INTS2: variants seen among roughly 807,000 people sequenced by gnomAD.
INTS2 encodes integrator complex subunit 2.
Under a neutral mutation model 139.6 loss-of-function variants are expected in INTS2, and 57 were observed. That is an observed-to-expected ratio of 0.41 (90% confidence interval 0.33 to 0.51). INTS2 has a LOEUF of 0.51. INTS2 is among the 20% of genes least tolerant of loss of function. INTS2 has a pLI of 0.28. For synonymous variants in INTS2, 473 were observed against 493.4 expected (o/e 0.96, Z 0.55); for missense variants, 1,196 against 1,436.7 (o/e 0.83, Z 2.71).
chr17:61,915,168 C>A (rs1211286900), intron 5 of INTS2, among the ~76,000 whole-genome samples: 1 of 151,608 alleles, frequency 6.6e-6, no homozygotes, highest in Non-Finnish European at 1.5e-5. Flanking sequence ...GAAACCCCGT[C>A]TCTACTAAAA....
chr17:61,887,684 G>T (rs181409367), intron 15 of INTS2, among the ~76,000 whole-genome samples: 236 of 152,202 alleles, frequency 1.6e-3, no homozygotes, highest in African/African-American at 5.5e-3. Flanking sequence ...TCATGGAAAA[G>T]ATTAAATATG....
rs941979802 is a variant in INTS2 at position 61,868,972 on chromosome 17, A to T, written c.3244+62T>A. 1 of 984,744 alleles carries T rather than the reference A, an allele frequency of 1.0e-6. No individual in the cohort carries two copies. The highest frequency in any genetic ancestry group is 1.6e-5 in the African/African-American group (1 of 61,734). The allele number at this position is 984,744 out of a possible 1,614,324, so 61.0% of individuals were successfully genotyped here. A position where few individuals can be genotyped will look rare whatever the true frequency, so the allele number is the denominator to read the frequency against. ...AAAAACATATTGCATCACTAAATGC[A>T]GAAAATATAGGAACTATAATAATTT... On this transcript the variant is annotated intron_variant, in intron 23 of 24. Coordinates refer to ENST00000251334, the MANE Select transcript of INTS2 (RefSeq NM_001351695.2). This position sits in a 1 kb window ranked among gnomAD's most constrained non-coding sequence, Gnocchi z 4.7.
In INTS2 at chr17:61,893,241, G is replaced by C. The variant is rs774536915; in HGVS notation, c.1698+524C>G. On this transcript the variant is annotated intron_variant, in intron 13 of 24. Transcript: ENST00000251334. The surrounding 1 kb of genome is among the most constrained non-coding windows in gnomAD (Gnocchi z 5.4). The stretch of plus-strand genomic sequence containing the variant: ...ATTGTTTTAAAAATCTGAAATTACT[G>C]TATAATTATATAATTATAATTACTA... Among the ~76,000 whole-genome samples, 4 of 151,978 alleles carry C rather than the reference G, an allele frequency of 2.6e-5. No individual in the cohort carries two copies. The highest frequency in any genetic ancestry group is 4.4e-5 in the Non-Finnish European group (3 of 68,006).
chr17:61,901,363 G>T (rs73332598), intron 9 of INTS2, among the ~76,000 whole-genome samples: 24,931 of 150,834 alleles, frequency 0.17, 2,480 homozygotes, highest in East Asian at 0.53. Context: ...AAAAAAGGCA[G>T]GGAAAAAAAG....
At chr17:61,919,896 A>T (rs2079621404) in intron 4 of INTS2, among the ~76,000 whole-genome samples, 1 of 152,076 alleles carries the variant, frequency 6.6e-6, no homozygotes, top group Admixed American at 6.5e-5. Flanking sequence ...GCCCAACCAA[A>T]AATGACATTT....
At chr17:61,890,990 A>AC (rs2079286610) in intron 14 of INTS2, among the ~76,000 whole-genome samples, 1 of 137,858 alleles carries the variant, frequency 7.3e-6, no homozygotes, top group Admixed American at 7.3e-5. Flanking sequence ...TCTCAAAAAA[A>AC]AAAAAAAAAA....
At chr17:61,890,680 T>C (rs1323791234) in intron 14 of INTS2, among the ~76,000 whole-genome samples, 1 of 149,966 alleles carries the variant, frequency 6.7e-6, no homozygotes, top group Non-Finnish European at 1.5e-5. Flanking sequence ...TAAACAAACC[T>C]ATGCTGAATA....
In INTS2 at chr17:61,866,803, G is replaced by A. The variant is rs2079049805; in HGVS notation, c.*754C>T. ...CATAAAACTAAATGAGATCTCTCAG[G>A]TTCTTCTTTGAACAAAGATGTTTCT... On this transcript the variant is annotated 3_prime_UTR_variant, in exon 25 of 25. Transcript: ENST00000251334. 6.6e-6 allele frequency: 1 copy of A among 152,092 alleles called. No homozygotes were observed. The highest frequency in any genetic ancestry group is 2.4e-5 in the African/African-American group (1 of 41,412). The allele number at this position is 152,092 out of a possible 1,614,324, so 9.4% of individuals were successfully genotyped here.
chr17:61,918,239 A>G (rs1361000980), intron 5 of INTS2, among the ~76,000 whole-genome samples: 1 of 152,118 alleles, frequency 6.6e-6, no homozygotes, highest in East Asian at 1.9e-4. Flanking sequence ...GATGAGAAGT[A>G]TTTTGGTTTG....
chr17:61,890,149 T>C (rs1603376367), intron 14 of INTS2, among the ~76,000 whole-genome samples: 1 of 152,280 alleles, frequency 6.6e-6, no homozygotes, highest in Non-Finnish European at 1.5e-5. Flanking sequence ...TACTACTCAA[T>C]AGCAAACCCA....
chr17:61,876,270 G>A lies in INTS2; in HGVS notation c.2457-1232C>T, dbSNP rs1239763962. On this transcript the variant is annotated intron_variant, in intron 18 of 24. Coordinates refer to ENST00000251334, the MANE Select transcript of INTS2 (RefSeq NM_001351695.2). This position sits in a 1 kb window ranked among gnomAD's most constrained non-coding sequence, Gnocchi z 4.1. ...GAGAATAATTCAGCATCTCAAAAAA[G>A]TTAAGTTTACCACACTCTCTTTCTC... is the stretch of plus-strand genomic sequence containing the variant. Among the ~76,000 whole-genome samples the A allele has an allele frequency of 2.0e-5, 3 of 152,098 alleles. No homozygotes were observed. The East Asian group carries it at 5.8e-4, about 29-fold the overall frequency.
At chr17:61,923,841 C>G (rs536518331) in intron 3 of INTS2, among the ~76,000 whole-genome samples, 1 of 152,000 alleles carries the variant, frequency 6.6e-6, no homozygotes, top group Non-Finnish European at 1.5e-5. Context: ...TTAGTAGAAA[C>G]GGGGTTTCTC....
rs529623227 is a variant in INTS2 at position 61,904,405 on chromosome 17, T to C, written c.1307+55A>G. On this transcript the variant is annotated intron_variant, in intron 9 of 24. Transcript: ENST00000251334. ...TCTTATCTAATGCTATACAATTTTA[T>C]TGAGTAAATAAAAGTAAACCTTGAG... is the stretch of plus-strand genomic sequence containing the variant. 26 of 1,262,846 alleles carry C rather than the reference T, an allele frequency of 2.1e-5. 1 individual carries two copies. In the African/African-American group the frequency reaches 2.7e-4, roughly 13 times the overall value. 78.2% of individuals were successfully genotyped at this position (1,262,846 alleles called of 1,614,324 possible). A position where few individuals can be genotyped will look rare whatever the true frequency, so the allele number is the denominator to read the frequency against.
At chr17:61,889,517 A>C (rs190194854) in intron 15 of INTS2, among the ~76,000 whole-genome samples, 2 of 152,338 alleles carry the variant, frequency 1.3e-5, no homozygotes, top group East Asian at 3.9e-4. Flanking sequence ...TATTTAGTGA[A>C]CAAGACCTAT....
intron 11 of INTS2, among the ~76,000 whole-genome samples, chr17:61,895,877 T>C (rs2079342639): frequency 6.6e-6 from 1 of 151,878 alleles, no homozygotes; most frequent in South Asian, 2.1e-4. Context: ...GAAGAAAATA[T>C]AAGTGACCAC....
rs909589620 is a variant in INTS2, at chr17:61,895,627, A to G, written c.1495-244T>C. 2.9e-4 allele frequency among the ~76,000 whole-genome samples: 44 copies of G among 152,164 alleles called. 1 individual carries two copies. ...TTCAGTCGGTTGGGGGAAACAGATT[A>G]TTTACTACATGGAGCTAGGATAGCT... On this transcript the variant is annotated intron_variant, in intron 11 of 24. Transcript: ENST00000251334.
In INTS2 at chr17:61,904,515, C is replaced by A. The variant is rs1369635622; in HGVS notation, c.1252G>T (p.Val418Phe). Residue 418 changes from valine to phenylalanine, a missense_variant, in exon 9 of 25, where the codon GTT becomes TTT. Transcript: ENST00000251334. The part of the protein sequence containing the change: ...TSRPPATPAG[V>F]RFVSLSFCML... ...CAAAAGGAAAGTGAAACAAAGCGAA[C>A]CCCAGCTGGCGTAGCAGGAGGACGG... 6.2e-7 allele frequency: 1 copy of A among 1,611,890 alleles called. No homozygotes were observed. The highest frequency in any genetic ancestry group is 1.1e-5 in the South Asian group (1 of 90,742).
At position 61,867,929 on chromosome 17, in the gene INTS2, A is replaced by G. The variant is rs533318181; in HGVS notation, c.3325T>C (p.Leu1109=). 1.9e-6 allele frequency: 3 copies of G among 1,612,704 alleles called. No individual in the cohort carries two copies. In the African/African-American group the frequency reaches 4.0e-5, roughly 22 times the overall value. Residue 1109 remains leucine, a synonymous_variant, in exon 24 of 25, where the codon TTG becomes CTG. Coordinates refer to ENST00000251334, the MANE Select transcript of INTS2 (RefSeq NM_001351695.2). The surrounding 1 kb of genome is among the most constrained non-coding windows in gnomAD (Gnocchi z 5.6). ...LVSFCRAFPP[L]YEDIMSLLIQ... is the part of the protein sequence containing the mutation. ...AGCAAAGACATAATATCCTCATACA[A>G]TGGAGGAAATGCTCGACAAAAAGAG...
chr17:61,895,440 T>C, intron 11 of INTS2, 57 bp from the exon 12 acceptor site: 1 of 1,022,300 alleles, frequency 9.8e-7, no homozygotes, highest in East Asian at 2.6e-5. Context: ...CACAATTTAT[T>C]CTAGGGAACT....
Sources: allele counts gnomAD v4.1 joint callset (sites outside exome capture counted in the v4.1 genomes callset), GRCh38; gene constraint gnomAD v4.1.1; non-coding constraint Gnocchi (gnomAD v3.1); transcripts MANE v1.5; gene names NCBI Gene and HGNC (gene_info 2026-07-23, HGNC 2026-07-21).